The following OFD1 variants were observed in gnomAD, a reference collection of about 807,000 sequenced individuals.
OFD1 encodes OFD1 centriole and centriolar satellite protein.
OFD1 carries 12 observed loss-of-function variants against 81.4 expected under a neutral mutation model. That is an observed-to-expected ratio of 0.15 (90% CI 0.09 to 0.24). The LOEUF is 0.24. OFD1 is among the 10% of genes least tolerant of loss of function. OFD1 has a pLI of 1.00. For missense variants in OFD1, 685 were observed against 733.9 expected, an observed-to-expected ratio of 0.93 and a Z score of 0.77; for synonymous variants, 256 against 263.7, an observed-to-expected ratio of 0.97 and a Z score of 0.28.
At chrX:13,773,280 G>C, downstream of OFD1, 4 of 212,688 alleles carry the variant, frequency 1.9e-5, no homozygotes, top group Non-Finnish European at 8.3e-6. Context: ...GTATTGTTAA[G>C]AAAAAGCAAA....
chrX:13,742,718 G>A (rs1031494417), intron 5 of OFD1, among the ~76,000 whole-genome samples: 3 of 110,930 alleles, frequency 2.7e-5, no homozygotes, highest in African/African-American at 9.9e-5. Context: ...TAGAGATGGG[G>A]TTCACCATGT....
intron 11 of OFD1, among the ~76,000 whole-genome samples, chrX:13,754,432 T>TTTTTTTTTA (rs1195398599): frequency 1.2e-4 from 13 of 105,988 alleles, no homozygotes; most frequent in African/African-American, 4.5e-4. Context: ...TTTTTTTTTT[T>TTTTTTTTTA]AAGAGACGGA....
At chrX:13,749,591 A>G (rs2047428326) in intron 9 of OFD1, 58 bp downstream of exon 9, 1 of 724,828 alleles carries the variant, frequency 1.4e-6, no homozygotes, top group Non-Finnish European at 2.2e-6. Flanking sequence ...AAGAATTACT[A>G]AATATATATC....
chrX:13,740,001 A>G (rs953791082), intron 5 of OFD1: 8 of 914,675 alleles, frequency 8.7e-6, no homozygotes, highest in Admixed American at 3.9e-5. Flanking sequence ...TGCCTGCACT[A>G]TCATCCCCAC....
intron 10 of OFD1, chrX:13,752,877 G>A: frequency 1.0e-6 from 1 of 952,401 alleles, no homozygotes; most frequent in Non-Finnish European, 1.3e-6. Flanking sequence ...GTGCCTTTTG[G>A]TATTGCTAAT....
At chrX:13,716,433 G>C in the OFD1 span, 1 of 1,023,480 alleles carries the variant, frequency 9.8e-7, no homozygotes, top group South Asian at 2.0e-5. Context: ...TCACCTGACT[G>C]TGAAGTCTAC....
rs139454842 is a variant in OFD1, at chrX:13,759,519, C to G, written c.1655-596C>G. On this transcript the variant is annotated intron_variant, in intron 15 of 22. Transcript: ENST00000340096. ...CCCAGTAGCTCTTAGACTTGCTAACCGTGTGACCCAGCCTCAGTAAGCTTT... is the reference window on the plus strand; with the variant it reads ...CCCAGTAGCTCTTAGACTTGCTAACGGTGTGACCCAGCCTCAGTAAGCTTT... 7.3e-3 allele frequency among the ~76,000 whole-genome samples: 814 copies of G among 111,805 alleles called. 5 individuals carry two copies. The highest frequency in any genetic ancestry group is 0.025 in the African/African-American group (773 of 30,683).
At chrX:13,768,265 A>G in intron 21 of OFD1, 41 bp downstream of exon 21, 1 of 1,028,639 alleles carries the variant, frequency 9.7e-7, no homozygotes, top group Non-Finnish European at 1.4e-6. Context: ...GGTGGGGGAC[A>G]TCCAGGGCTT....
At chrX:13,761,290 A>T (rs1445873549) in intron 17 of OFD1, 79 bp downstream of exon 17, 4 of 856,763 alleles carry the variant, frequency 4.7e-6, no homozygotes, top group East Asian at 3.9e-5. Context: ...TTTTACTGGG[A>T]TTTTTTTTTT....
At chrX:13,719,677 G>A in the OFD1 span, among the ~76,000 whole-genome samples, 1 of 111,746 alleles carries the variant, frequency 8.9e-6, no homozygotes, top group South Asian at 3.7e-4. Context: ...AGAGCGTCAT[G>A]CTAGTCTGTG....
the OFD1 span, chrX:13,721,345 T>C: frequency 8.9e-6 from 1 of 112,398 alleles, no homozygotes. Context: ...GGTGCACTTA[T>C]GAGGATCACA....
intron 8 of OFD1, among the ~76,000 whole-genome samples, chrX:13,748,070 C>CTAGTTGT (rs2146975405): frequency 8.9e-6 from 1 of 112,132 alleles, no homozygotes; most frequent in Non-Finnish European, 1.9e-5. Context: ...CCTGGGGCTT[C>CTAGTTGT]TCAATAAGAC....
rs1326323118 is a variant in OFD1 at position 13,753,359 on chromosome X, G to C, written c.1056-9G>C. On this transcript the variant is annotated splice_polypyrimidine_tract_variant and intron_variant, in intron 10 of 22. Transcript: ENST00000340096. Reference sequence around the variant, plus strand: ...TGAGGAGCTCATATTTAGTCATTCTGATTCTCAGGTATCAACTTGAACTGA... The same window carrying C: ...TGAGGAGCTCATATTTAGTCATTCTCATTCTCAGGTATCAACTTGAACTGA... 1.7e-6 allele frequency: 2 copies of C among 1,207,382 alleles called. No individual in the cohort carries two copies. The highest frequency in any genetic ancestry group is 1.1e-6 in the Non-Finnish European group (1 of 892,789).
In OFD1 at chrX:13,735,111, G is replaced by C. The variant is rs181620366; in HGVS notation, c.12+28G>C. Reference sequence around the variant, plus strand: ...AGACACACCTGCCCCTTCTCGGGCGGAAATAAAGTCTTGTTTTGTGTTCGT... The same window carrying C: ...AGACACACCTGCCCCTTCTCGGGCGCAAATAAAGTCTTGTTTTGTGTTCGT... On this transcript the variant is annotated intron_variant, in intron 1 of 22. Transcript: ENST00000340096. The C allele has an allele frequency of 3.6e-4, 428 of 1,205,500 alleles. 2 individuals carry two copies. In the African/African-American group the frequency reaches 6.2e-3, roughly 18 times the overall value.
At chrX:13,745,391 A>G (rs908982323) in intron 6 of OFD1, among the ~76,000 whole-genome samples, 7 of 112,267 alleles carry the variant, frequency 6.2e-5, no homozygotes, top group Non-Finnish European at 1.1e-4. Flanking sequence ...GCATATATTC[A>G]ATATAAAAAA....
chrX:13,770,235 AAAT>A (rs2048272799), downstream of OFD1, among the ~76,000 whole-genome samples: 1 of 112,146 alleles, frequency 8.9e-6, no homozygotes, highest in South Asian at 3.7e-4. Context: ...CATGTGACTT[AAAT>A]AATTGCACAA....
chrX:13,746,993 A>G, intron 8 of OFD1, 40 bp downstream of exon 8: 1 of 1,141,458 alleles, frequency 8.8e-7, no homozygotes, highest in Non-Finnish European at 1.2e-6. Flanking sequence ...TATTTCCTGC[A>G]GCTATTAGTA....
intron 21 of OFD1, 53 bp from the exon 22 acceptor site, chrX:13,768,665 T>A: frequency 1.1e-6 from 1 of 924,242 alleles, no homozygotes; most frequent in Non-Finnish European, 1.6e-6. Flanking sequence ...AAGTATTTCA[T>A]GAAATTAATG....
Position 13,760,560 on chromosome X carries a change from G to A in OFD1, c.2100G>A (p.Glu700=), listed in dbSNP as rs780655531. ...TTGGAGAGGACAGAGTTGTCTCTGA[G>A]CAGCCTCAAGTGGGCACACTTGAAG... is the stretch of plus-strand genomic sequence containing the variant. The part of the protein sequence containing the change: ...HIFGEDRVVS[E]QPQVGTLEER... The change falls in exon 16 of 23, where the codon GAG becomes GAA. Residue 700 remains glutamate, a synonymous_variant. Transcript: ENST00000340096. 11 of 1,195,905 alleles carry A rather than the reference G, an allele frequency of 9.2e-6. No individual in the cohort carries two copies. Among genetic ancestry groups the A allele is most frequent in the Admixed American group, 4.6e-5 (2 of 43,546 alleles).
Sources: allele counts gnomAD v4.1 joint callset (sites outside exome capture counted in the v4.1 genomes callset), GRCh38; gene constraint gnomAD v4.1.1; transcripts MANE v1.5; gene names NCBI Gene and HGNC (gene_info 2026-07-23, HGNC 2026-07-21).